The following ATF7 variants were observed in gnomAD, a reference collection of about 807,000 sequenced individuals.
ATF7 encodes the protein activating transcription factor 7.
Under a neutral mutation model 50.4 loss-of-function variants are expected in ATF7, and 10 were observed. The ratio of observed to expected loss-of-function variants is 0.20; its 90% CI spans 0.12 to 0.34. The LOEUF (loss-of-function observed/expected upper bound fraction) is 0.34. Among genes scored for constraint, ATF7 ranks in the 10% least tolerant of loss-of-function variants. ATF7 has a pLI of 1.00. For missense variants in ATF7, 465 were observed against 613.9 expected (o/e 0.76, Z 2.56); for synonymous variants, 201 against 226.4 (o/e 0.89, Z 1.01).
intron 5 of ATF7, among the ~76,000 whole-genome samples, chr12:53,536,607 G>T (rs1209113341): frequency 6.6e-6 from 1 of 151,768 alleles, no homozygotes. Context: ...ACAATTGCTG[G>T]CCGGGCGCGG....
At chr12:53,535,891 G>A (rs894948676) in intron 5 of ATF7, among the ~76,000 whole-genome samples, 1 of 151,942 alleles carries the variant, frequency 6.6e-6, no homozygotes, top group African/African-American at 2.4e-5. Context: ...CGGTGCTCAC[G>A]TCTGTAATCG....
intron 1 of ATF7, among the ~76,000 whole-genome samples, chr12:53,604,736 TAGA>T (rs1393944486): frequency 1.3e-5 from 2 of 152,090 alleles, no homozygotes; most frequent in African/African-American, 2.4e-5. Context: ...ACAAAAAAAT[TAGA>T]AGGATAATGC....
chr12:53,599,460 A>T (rs1053286061), intron 2 of ATF7, among the ~76,000 whole-genome samples: 1 of 150,408 alleles, frequency 6.6e-6, no homozygotes, highest in Non-Finnish European at 1.5e-5. Context: ...AAATGGAGAT[A>T]TATATATATT....
At chr12:53,529,500 T>G (rs1197667807) in intron 9 of ATF7, among the ~76,000 whole-genome samples, 2 of 150,524 alleles carry the variant, frequency 1.3e-5, no homozygotes, top group African/African-American at 4.9e-5. Flanking sequence ...CACGCCTGGC[T>G]AATTTTTTTT....
intron 2 of ATF7, among the ~76,000 whole-genome samples, chr12:53,573,613 G>C (rs1273797470): frequency 1.3e-5 from 2 of 152,106 alleles, no homozygotes; most frequent in Admixed American, 6.5e-5. Context: ...CTGTATATAG[G>C]GTTTGGTACT....
intron 2 of ATF7, among the ~76,000 whole-genome samples, chr12:53,591,994 A>G (rs1942961159): frequency 6.6e-6 from 1 of 151,876 alleles, no homozygotes; most frequent in Non-Finnish European, 1.5e-5. Flanking sequence ...ATTTAAAGAC[A>G]GAGCTATGTT....
intron 2 of ATF7, among the ~76,000 whole-genome samples, chr12:53,585,146 A>AT (rs996066445): frequency 4.4e-4 from 66 of 149,234 alleles, no homozygotes; most frequent in African/African-American, 8.1e-4. Context: ...CTAATTTTTA[A>AT]TTTTTTTTTT....
At chr12:53,606,494 C>T (rs976550714) in intron 1 of ATF7, among the ~76,000 whole-genome samples, 3 of 152,040 alleles carry the variant, frequency 2.0e-5, no homozygotes, top group Non-Finnish European at 4.4e-5. Flanking sequence ...GTGATCCACC[C>T]GCCTTGGTCT....
chr12:53,539,679 A>G (rs1397530464), intron 4 of ATF7, among the ~76,000 whole-genome samples: 2 of 150,528 alleles, frequency 1.3e-5, no homozygotes, highest in African/African-American at 4.9e-5. Context: ...ACAGAGCAAG[A>G]TCCTGTCAAT....
chr12:53,578,007 A>G (rs1318855107), intron 2 of ATF7, among the ~76,000 whole-genome samples: 3 of 152,184 alleles, frequency 2.0e-5, no homozygotes, highest in Admixed American at 1.3e-4. Flanking sequence ...AATTACATCT[A>G]ACCTCTCAGA....
At chr12:53,530,224 AAAGCTTTTGTTGTTGGCC>A (rs1938786303) in intron 9 of ATF7, among the ~76,000 whole-genome samples, 2 of 152,304 alleles carry the variant, frequency 1.3e-5, no homozygotes. Context: ...AACTCAAATG[AAAGCTTTTGTTGTTGGCC>A]AAGCTTTACC....
chr12:53,595,235 G>GA (rs1330406414), intron 2 of ATF7, among the ~76,000 whole-genome samples: 15 of 152,126 alleles, frequency 9.9e-5, no homozygotes, highest in African/African-American at 3.6e-4. Flanking sequence ...TTCACCTGTC[G>GA]AAACATGTAA....
At chr12:53,589,601 CAG>C (rs1350103541) in intron 2 of ATF7, among the ~76,000 whole-genome samples, 2 of 152,180 alleles carry the variant, frequency 1.3e-5, no homozygotes, top group African/African-American at 4.8e-5. Flanking sequence ...CACTTTACCA[CAG>C]AGTCAGTTCA....
At chr12:53,592,206 C>T (rs1187629254) in intron 2 of ATF7, among the ~76,000 whole-genome samples, 1 of 152,208 alleles carries the variant, frequency 6.6e-6, no homozygotes, top group Non-Finnish European at 1.5e-5. Context: ...TGTACTTTCA[C>T]ATGACAATTG....
chr12:53,513,930 G>C lies in ATF7; in HGVS notation c.*3207C>G, dbSNP rs1487381954. The C allele has an allele frequency of 6.6e-6, 1 of 152,192 alleles. No homozygotes were observed. The highest frequency in any genetic ancestry group is 1.9e-4 in the East Asian group (1 of 5,202). 9.4% of individuals were successfully genotyped at this position (152,192 alleles called of 1,614,324 possible). ...AGGGATAGAGAAGTGAGCGAGAGGA[G>C]GTTCAGTTTGCTCAGTCCCTCTTTA... On this transcript the variant is annotated 3_prime_UTR_variant, in exon 12 of 12. Coordinates refer to ENST00000420353, the MANE Select transcript of ATF7 (RefSeq NM_006856.3).
chr12:53,507,862 T>C (rs1356374829), downstream of ATF7: 1 of 185,976 alleles, frequency 5.4e-6, no homozygotes, highest in East Asian at 1.4e-4. Flanking sequence ...GAAACTCATG[T>C]CAGGAGGGGT....
At chr12:53,577,125 A>T (rs1942117949) in intron 2 of ATF7, among the ~76,000 whole-genome samples, 1 of 152,120 alleles carries the variant, frequency 6.6e-6, no homozygotes, top group Admixed American at 6.6e-5. Context: ...CTGAGCAAAG[A>T]ATCTTTGAAC....
chr12:53,547,081 T>C (rs1183205286), intron 3 of ATF7, among the ~76,000 whole-genome samples: 4 of 143,714 alleles, frequency 2.8e-5, no homozygotes, highest in Non-Finnish European at 6.1e-5. Context: ...ACCTCCCGGG[T>C]TCATGCCATT....
chr12:53,562,797 C>A (rs74089636), intron 2 of ATF7, among the ~76,000 whole-genome samples: 6,414 of 151,890 alleles, frequency 0.042, 380 homozygotes, highest in African/African-American at 0.13. Context: ...TGCAAGGATG[C>A]AAGAAGATCA....
Sources: allele counts gnomAD v4.1 joint callset (sites outside exome capture counted in the v4.1 genomes callset), GRCh38; gene constraint gnomAD v4.1.1; transcripts MANE v1.5; gene names NCBI Gene and HGNC (gene_info 2026-07-23, HGNC 2026-07-21).